ZNF385B: variants seen among roughly 807,000 people sequenced by gnomAD.
The protein encoded by ZNF385B is zinc finger protein 533.
A neutral mutation model predicts 39.2 loss-of-function variants in ZNF385B; 23 were observed. That is an observed-to-expected ratio of 0.59 (90% CI 0.42 to 0.83). The LOEUF (loss-of-function observed/expected upper bound fraction) is 0.83, where lower values mean the gene tolerates loss of function less well. Among genes scored for constraint, ZNF385B ranks in the 40% least tolerant of loss-of-function variants. The pLI, the probability that ZNF385B is intolerant of heterozygous loss-of-function variation, is 0.00. For missense variants in ZNF385B, 552 were observed against 598.9 expected (o/e 0.92, Z 0.82); for synonymous variants, 205 against 222.6 (o/e 0.92, Z 0.70).
intron 5 of ZNF385B, among the ~76,000 whole-genome samples, chr2:179,493,865 G>A (rs2055857921): frequency 6.8e-6 from 1 of 146,082 alleles, no homozygotes; most frequent in Non-Finnish European, 1.5e-5. Context: ...GTAACACTAA[G>A]GGTCCATCCA....
In ZNF385B at chr2:179,673,707, T is replaced by C. The variant is rs927202327; in HGVS notation, c.298+95796A>G. On this transcript the variant is annotated intron_variant, in intron 3 of 9. Transcript: ENST00000410066. ...ATATGTATTCTGACTCATCTCAGAA[T>C]GACATCAACTCAAACTACAAAAGCA... Among the ~76,000 whole-genome samples, 8 of 152,316 alleles carry C rather than the reference T, an allele frequency of 5.3e-5. 1 individual carries two copies. Among genetic ancestry groups the C allele is most frequent in the African/African-American group, 1.9e-4 (8 of 41,582 alleles).
intron 3 of ZNF385B, among the ~76,000 whole-genome samples, chr2:179,587,565 A>T (rs1482489415): frequency 6.6e-6 from 1 of 152,382 alleles, no homozygotes; most frequent in African/African-American, 2.4e-5. Context: ...GACCTTAAAG[A>T]GCCCATTAAA....
rs575486572 is a variant in ZNF385B at position 179,621,549 on chromosome 2, G to A, written c.299-76580C>T. ...TTTAAAGATCAACATGTCACTTAAC[G>A]TAAGTTTGCAAAGAAATGCATGCAA... On this transcript the variant is annotated intron_variant, in intron 3 of 9. Coordinates refer to ENST00000410066, the MANE Select transcript of ZNF385B (RefSeq NM_152520.6). Among the ~76,000 whole-genome samples, 12 of 152,286 alleles carry A rather than the reference G, an allele frequency of 7.9e-5. No individual in the cohort carries two copies. In the South Asian group the frequency reaches 1.4e-3, roughly 18 times the overall value.
chr2:179,571,202 TA>T (rs912465061), intron 3 of ZNF385B, among the ~76,000 whole-genome samples: 2 of 152,220 alleles, frequency 1.3e-5, no homozygotes, highest in African/African-American at 4.8e-5. Context: ...AAGTCTTTGT[TA>T]TCCTCTGCTC....
At chr2:179,803,248 G>A (rs1575519679) in intron 1 of ZNF385B, among the ~76,000 whole-genome samples, 1 of 152,040 alleles carries the variant, frequency 6.6e-6, no homozygotes, top group East Asian at 1.9e-4. Flanking sequence ...TTGTGACACA[G>A]GGCATATGTC....
intron 1 of ZNF385B, among the ~76,000 whole-genome samples, chr2:179,853,050 T>C (rs1684308900): frequency 6.6e-6 from 1 of 152,226 alleles, no homozygotes; most frequent in South Asian, 2.1e-4. Flanking sequence ...TAATGAGGTA[T>C]ATATGGACTT....
intron 1 of ZNF385B, among the ~76,000 whole-genome samples, chr2:179,808,880 G>A (rs1442631192): frequency 6.6e-6 from 1 of 152,196 alleles, no homozygotes; most frequent in African/African-American, 2.4e-5. Context: ...GTGGCAACAT[G>A]TTTATGAAAA....
chr2:179,618,755 G>A (rs1689966526), intron 3 of ZNF385B, among the ~76,000 whole-genome samples: 1 of 152,120 alleles, frequency 6.6e-6, no homozygotes, highest in South Asian at 2.1e-4. Flanking sequence ...ACTAAACTTC[G>A]CTTTGCTTGC....
intron 3 of ZNF385B, among the ~76,000 whole-genome samples, chr2:179,744,020 C>T (rs1251751027): frequency 2.0e-5 from 3 of 152,066 alleles, no homozygotes; most frequent in African/African-American, 4.8e-5. Context: ...GATGCATTAC[C>T]AGGCAAGCAG....
chr2:179,854,721 A>G (rs1205359713), intron 1 of ZNF385B, among the ~76,000 whole-genome samples: 1 of 152,218 alleles, frequency 6.6e-6, no homozygotes, highest in Non-Finnish European at 1.5e-5. Context: ...GGTATACTGA[A>G]GCAAAGATTT....
intron 1 of ZNF385B, among the ~76,000 whole-genome samples, chr2:179,788,276 C>T (rs1400179481): frequency 6.6e-6 from 1 of 152,118 alleles, no homozygotes; most frequent in Non-Finnish European, 1.5e-5. Context: ...AAGTCAGTAC[C>T]TCCTGTGAGC....
intron 5 of ZNF385B, among the ~76,000 whole-genome samples, chr2:179,487,733 C>T (rs1276563647): frequency 6.6e-6 from 1 of 152,170 alleles, no homozygotes; most frequent in East Asian, 1.9e-4. Context: ...TTGCATTCTG[C>T]TTCCCCTCCT....
intron 3 of ZNF385B, among the ~76,000 whole-genome samples, chr2:179,692,942 G>A (rs561621245): frequency 1.3e-5 from 2 of 152,260 alleles, no homozygotes; most frequent in South Asian, 4.1e-4. Flanking sequence ...TGCAAACCTG[G>A]ACCTCATAGA....
At chr2:179,734,906 C>T (rs977751232) in intron 3 of ZNF385B, among the ~76,000 whole-genome samples, 1 of 152,054 alleles carries the variant, frequency 6.6e-6, no homozygotes, top group South Asian at 2.1e-4. Flanking sequence ...ACTTAAACGT[C>T]AGACCTAAAA....
chr2:179,763,184 G>T (rs1460578700), intron 3 of ZNF385B, among the ~76,000 whole-genome samples: 1 of 152,178 alleles, frequency 6.6e-6, no homozygotes, highest in African/African-American at 2.4e-5. Flanking sequence ...GATTACAGGG[G>T]TGAGCTGCCA....
intron 1 of ZNF385B, among the ~76,000 whole-genome samples, chr2:179,833,423 T>C (rs1334246297): frequency 1.3e-5 from 2 of 152,146 alleles, no homozygotes; most frequent in Non-Finnish European, 2.9e-5. Context: ...AAAATTAGTA[T>C]ACAACTCTCA....
chr2:179,780,390 C>A (rs762415822), intron 1 of ZNF385B, among the ~76,000 whole-genome samples: 19 of 152,208 alleles, frequency 1.2e-4, no homozygotes, highest in Non-Finnish European at 2.8e-4. Flanking sequence ...TCCTGACCCA[C>A]ATCATGGCTG....
At chr2:179,603,917 T>G (rs527290462) in intron 3 of ZNF385B, among the ~76,000 whole-genome samples, 13 of 152,278 alleles carry the variant, frequency 8.5e-5, no homozygotes, top group African/African-American at 3.1e-4. Flanking sequence ...AAAAAATAAC[T>G]ATAGTGTGAT....
At chr2:179,747,133 G>C (rs1220610076) in intron 3 of ZNF385B, among the ~76,000 whole-genome samples, 1 of 152,090 alleles carries the variant, frequency 6.6e-6, no homozygotes, top group Non-Finnish European at 1.5e-5. Context: ...TACCAGCTCT[G>C]AGATGACACA....
Sources: allele counts gnomAD v4.1 joint callset (sites outside exome capture counted in the v4.1 genomes callset), GRCh38; gene constraint gnomAD v4.1.1; transcripts MANE v1.5; gene names NCBI Gene and HGNC (gene_info 2026-07-23, HGNC 2026-07-21).